The following ARHGAP24 variants were observed in gnomAD, a reference collection of about 807,000 sequenced individuals.
ARHGAP24 encodes Rho GTPase activating protein 24, also known as rho GTPase-activating protein 24.
ARHGAP24 carries 50 observed loss-of-function variants against 76.4 expected under a neutral mutation model. The ratio of observed to expected loss-of-function variants is 0.65; its 90% CI spans 0.52 to 0.83. The LOEUF is 0.83. Ranked by LOEUF, ARHGAP24 falls within the 40% of genes least tolerant of loss-of-function variation. ARHGAP24 has a pLI of 0.00. For missense variants in ARHGAP24, 930 were observed against 914.2 expected, an observed-to-expected ratio of 1.02 and a Z score of -0.22; for synonymous variants, 345 against 323.3, an observed-to-expected ratio of 1.07 and a Z score of -0.72.
intron 2 of ARHGAP24, among the ~76,000 whole-genome samples, chr4:85,581,286 T>C (rs1727600617): frequency 6.6e-6 from 1 of 152,170 alleles, no homozygotes; most frequent in Non-Finnish European, 1.5e-5. Flanking sequence ...TCATGTCACG[T>C]AGTTAGAAAA....
chr4:85,923,191 T>C (rs1443859549), intron 3 of ARHGAP24, among the ~76,000 whole-genome samples: 4 of 152,114 alleles, frequency 2.6e-5, no homozygotes, highest in Non-Finnish European at 5.9e-5. Context: ...GTAACTCCCA[T>C]ATCCAATCAC....
At chr4:85,974,753 A>G (rs1269416393) in intron 6 of ARHGAP24, 135 bp from the exon 7 acceptor site, 2 of 700,934 alleles carry the variant, frequency 2.9e-6, no homozygotes, top group Non-Finnish European at 4.8e-6. Context: ...TGATGGTGGT[A>G]AGTTTTCGGG....
rs114713787 is a variant in ARHGAP24, at chr4:85,675,151, G to A, written c.181-46734G>A. Among the ~76,000 whole-genome samples, 901 of 152,288 alleles carry A rather than the reference G, an allele frequency of 5.9e-3. 11 individuals are homozygous for A. The highest frequency in any genetic ancestry group is 0.021 in the African/African-American group (867 of 41,550). On this transcript the variant is annotated intron_variant, in intron 2 of 9. Transcript: ENST00000395184. ...CCTTTGGCAGGAGTGAAAACCTAAA[G>A]GCTGCATGTAGCAGAAAGAGGAGGC... is the stretch of plus-strand genomic sequence containing the variant.
chr4:85,883,972 C>T (rs1458396094), intron 3 of ARHGAP24, among the ~76,000 whole-genome samples: 4 of 152,136 alleles, frequency 2.6e-5, no homozygotes, highest in African/African-American at 9.7e-5. Flanking sequence ...ACAAAAAAAT[C>T]ATCCACTTAA....
chr4:85,505,732 C>T (rs934163150), intron 1 of ARHGAP24, among the ~76,000 whole-genome samples: 9 of 152,028 alleles, frequency 5.9e-5, no homozygotes, highest in Admixed American at 3.3e-4. Flanking sequence ...TCTATCAACT[C>T]GTCAAAGTCA....
intron 3 of ARHGAP24, among the ~76,000 whole-genome samples, chr4:85,878,620 A>G (rs1035985429): frequency 6.6e-6 from 1 of 152,158 alleles, no homozygotes; most frequent in African/African-American, 2.4e-5. Context: ...ATAATTCTAC[A>G]TTCATAGCTT....
At chr4:85,958,722 T>A (rs1738065961) in intron 5 of ARHGAP24, among the ~76,000 whole-genome samples, 1 of 152,194 alleles carries the variant, frequency 6.6e-6, no homozygotes, top group Non-Finnish European at 1.5e-5. Context: ...ATCCTAGTGA[T>A]TTTTAGCAAA....
intron 2 of ARHGAP24, among the ~76,000 whole-genome samples, chr4:85,627,604 A>G (rs925956805): frequency 1.3e-5 from 2 of 152,202 alleles, no homozygotes; most frequent in Non-Finnish European, 2.9e-5. Context: ...CAAAGCTGTC[A>G]GAGAGGGACA....
intron 1 of ARHGAP24, among the ~76,000 whole-genome samples, chr4:85,566,949 C>A (rs1402170676): frequency 6.6e-6 from 1 of 152,032 alleles, no homozygotes; most frequent in African/African-American, 2.4e-5. Context: ...CAGAAATCAG[C>A]AAGGGATAAA....
intron 4 of ARHGAP24, among the ~76,000 whole-genome samples, chr4:85,925,784 G>C (rs1201734436): frequency 6.6e-6 from 1 of 152,206 alleles, no homozygotes; most frequent in African/African-American, 2.4e-5. Flanking sequence ...AGTGGCTACT[G>C]TACATGAGAG....
intron 2 of ARHGAP24, among the ~76,000 whole-genome samples, chr4:85,627,374 G>A (rs562858600): frequency 1.4e-4 from 21 of 152,222 alleles, no homozygotes; most frequent in African/African-American, 4.6e-4. Context: ...ATTAGCGGTG[G>A]CTGCAGAACA....
chr4:85,741,359 A>C (rs1725819282), intron 3 of ARHGAP24, among the ~76,000 whole-genome samples: 1 of 152,256 alleles, frequency 6.6e-6, no homozygotes, highest in African/African-American at 2.4e-5. Flanking sequence ...GAAGTAAAGA[A>C]AAGGGAGGGT....
intron 1 of ARHGAP24, among the ~76,000 whole-genome samples, chr4:85,492,762 A>C (rs139876496): frequency 6.6e-6 from 1 of 152,342 alleles, no homozygotes; most frequent in African/African-American, 2.4e-5. Context: ...ATGTATTCCC[A>C]TATAACCTTT....
At chr4:85,922,665 G>C (rs1396349643) in intron 3 of ARHGAP24, among the ~76,000 whole-genome samples, 2 of 152,040 alleles carry the variant, frequency 1.3e-5, no homozygotes, top group Non-Finnish European at 2.9e-5. Flanking sequence ...ACAGTGAAGG[G>C]GTGCAGGCTC....
intron 9 of ARHGAP24, 35 bp from the exon 10 acceptor site, chr4:86,000,444 T>TGGGGGGGGGGGGGGGGGGGG: frequency 1.6e-6 from 1 of 616,720 alleles, no homozygotes; most frequent in Non-Finnish European, 2.7e-6. Context: ...TACTCTTGCG[T>TGGGGGGGGGGGGGGGGGGGG]CCCCACCCCC....
At chr4:85,611,713 G>T (rs1720388033) in intron 2 of ARHGAP24, among the ~76,000 whole-genome samples, 1 of 152,162 alleles carries the variant, frequency 6.6e-6, no homozygotes, top group Non-Finnish European at 1.5e-5. Context: ...AAAATGTGGA[G>T]AAAGACTGGA....
At chr4:85,882,280 T>A (rs1011331066) in intron 3 of ARHGAP24, among the ~76,000 whole-genome samples, 1 of 152,188 alleles carries the variant, frequency 6.6e-6, no homozygotes, top group Admixed American at 6.5e-5. Context: ...TCTTTAAAAT[T>A]TGCAGATATT....
chr4:85,873,901 A>G (rs1732674822), intron 3 of ARHGAP24, among the ~76,000 whole-genome samples: 1 of 152,174 alleles, frequency 6.6e-6, no homozygotes, highest in Admixed American at 6.5e-5. Flanking sequence ...CCATGCAGTT[A>G]ATTGTAAATA....
chr4:85,508,433 C>T (rs1255543481), intron 1 of ARHGAP24, among the ~76,000 whole-genome samples: 24 of 152,122 alleles, frequency 1.6e-4, no homozygotes, highest in Admixed American at 1.6e-3. Context: ...GAGTGATCTT[C>T]CATTCATAAA....
Sources: allele counts gnomAD v4.1 joint callset (sites outside exome capture counted in the v4.1 genomes callset), GRCh38; gene constraint gnomAD v4.1.1; transcripts MANE v1.5; gene names NCBI Gene and HGNC (gene_info 2026-07-23, HGNC 2026-07-21).